Variants in LOXHD1 observed in about 807,000 individuals in gnomAD.
LOXHD1 encodes lipoxygenase homology PLAT domains 1.
LOXHD1 carries 205 observed loss-of-function variants against 248.2 expected under a neutral mutation model. The observed-to-expected ratio is 0.83, with a 90% CI of 0.74 to 0.93. The LOEUF (loss-of-function observed/expected upper bound fraction) is 0.93. LOXHD1 is among the 40% of genes least tolerant of loss of function. The probability of loss-of-function intolerance (pLI) is 0.00; values close to 1 mark genes in which losing one functional copy is unlikely to be tolerated. For synonymous variants in LOXHD1, 1,113 were observed against 1,162.8 expected, an observed-to-expected ratio of 0.96 and a Z score of 0.87; for missense variants, 2,930 against 2,971.6, an observed-to-expected ratio of 0.99 and a Z score of 0.33.
Position 46,477,732 on chromosome 18 carries a change from G to A in LOXHD1, c.6562C>T (p.Arg2188Trp), listed in dbSNP as rs771007568. The change falls in exon 41 of 41, where the codon CGG (arginine) becomes TGG (tryptophan). Residue 2188 changes from arginine (R) to tryptophan (W), a missense_variant. By Grantham distance (101) the Arg-to-Trp change is moderately radical. Transcript: ENST00000642948. The stretch of plus-strand genomic sequence containing the variant: ...TTGCGCATTTTCTGCTTCAGCTCCC[G>A]CTTGCCTGTGTCTCCGTTGGCCCCA... ...IFGANGDTGK[R>W]ELKQKMRNLF... is the part of the protein sequence containing the mutation. 4.4e-5 allele frequency: 69 copies of A among 1,551,780 alleles called. No individual in the cohort carries two copies. In the South Asian group the frequency reaches 5.4e-4, roughly 12 times the overall value.
At chr18:46,579,420 C>T (rs2037919595) in intron 13 of LOXHD1, among the ~76,000 whole-genome samples, 1 of 152,182 alleles carries the variant, frequency 6.6e-6, no homozygotes, top group Non-Finnish European at 1.5e-5. Flanking sequence ...GCCAGATACT[C>T]AGGAACCAAA....
At position 46,533,163 on chromosome 18, in the gene LOXHD1, G is replaced by A. The variant is rs1489860584; in HGVS notation, c.4374C>T (p.Asp1458=). 1.9e-6 allele frequency: 3 copies of A among 1,551,634 alleles called. No homozygotes were observed. Among genetic ancestry groups the A allele is most frequent in the Non-Finnish European group, 2.6e-6 (3 of 1,146,974 alleles). Residue 1458 remains aspartate, a splice_region_variant and synonymous_variant, in exon 28 of 41, where the codon GAC becomes GAT. Transcript: ENST00000642948. ...QVYKEVEEPL[D]IVLYSVQIFT... is the part of the protein sequence containing the mutation. The stretch of plus-strand genomic sequence containing the variant: ...TGAGGGTGGCCACACCACACTTACT[G>A]TCCAGAGGCTCTTCTACTTCCTTGT...
At chr18:46,643,081 T>C (rs1171326090) in intron 2 of LOXHD1, among the ~76,000 whole-genome samples, 1 of 152,216 alleles carries the variant, frequency 6.6e-6, no homozygotes, top group Non-Finnish European at 1.5e-5. Flanking sequence ...AATAGACGGC[T>C]TTTAAGGTTC....
In LOXHD1 at chr18:46,521,174, C is replaced by CAT. The variant is rs2035560873; in HGVS notation, c.5193_5194insAT (p.Ala1732MetfsTer22). 1 of 1,551,656 alleles carries CAT rather than the reference C, an allele frequency of 6.4e-7. No individual in the cohort carries two copies. Among genetic ancestry groups the CAT allele is most frequent in the African/African-American group, 1.4e-5 (1 of 73,058 alleles). ...GTGATGCCGTCGCCTCTGTCCTTGG[C>CAT]CAGCCAGCAGTTACAGTTCAACATG... On this transcript the variant is annotated frameshift_variant, in exon 33 of 41. Transcript: ENST00000642948. LOFTEE classifies it high-confidence loss of function.
In LOXHD1 at chr18:46,477,853, C is replaced by T; in HGVS notation, c.6441G>A (p.Lys2147=). The T allele has an allele frequency of 6.4e-7, 1 of 1,551,798 alleles. No homozygotes were observed. The highest frequency in any genetic ancestry group is 8.7e-7 in the Non-Finnish European group (1 of 1,147,020). The change falls in exon 41 of 41, where the codon AAG becomes AAA. Residue 2147 remains lysine, a synonymous_variant. Transcript: ENST00000642948. The part of the protein sequence containing the change: ...VTKTTESFAS[K]VQSLVPVKYE... ...ACTTGACGGGCACCAGGCTCTGGACCTTGCTGGCAAAGCTCTCTGTCGTCT... is the reference window on the plus strand; with the variant it reads ...ACTTGACGGGCACCAGGCTCTGGACTTTGCTGGCAAAGCTCTCTGTCGTCT...
chr18:46,501,535 T>C (rs71364542), intron 37 of LOXHD1, among the ~76,000 whole-genome samples: 6,278 of 152,268 alleles, frequency 0.041, 161 homozygotes, highest in South Asian at 0.059. Context: ...GCATGACTTA[T>C]AGGGCTGTTG....
chr18:46,520,015 G>A (rs975286194), intron 33 of LOXHD1, among the ~76,000 whole-genome samples: 4 of 152,288 alleles, frequency 2.6e-5, no homozygotes, highest in South Asian at 2.1e-4. Flanking sequence ...TGTGCTGGGC[G>A]GTGGCACAGA....
At chr18:46,624,687 A>G (rs1329040975) in intron 4 of LOXHD1, among the ~76,000 whole-genome samples, 2 of 152,112 alleles carry the variant, frequency 1.3e-5, no homozygotes, top group African/African-American at 4.8e-5. Flanking sequence ...ACTTTGTACC[A>G]GCTCTTCCAT....
At chr18:46,483,084 G>T (rs529829593) in intron 40 of LOXHD1, among the ~76,000 whole-genome samples, 1 of 152,326 alleles carries the variant, frequency 6.6e-6, no homozygotes, top group East Asian at 1.9e-4. Context: ...TCTCCAGAAG[G>T]CTCTGATGAG....
At chr18:46,562,186 C>T (rs1308320628) in intron 18 of LOXHD1, among the ~76,000 whole-genome samples, 1 of 152,204 alleles carries the variant, frequency 6.6e-6, no homozygotes, top group Non-Finnish European at 1.5e-5. Context: ...GGGTGTCTGG[C>T]TCAATGAGGC....
chr18:46,507,048 G>A lies in LOXHD1; in HGVS notation c.5692+490C>T, dbSNP rs566874512. On this transcript the variant is annotated intron_variant, in intron 36 of 40. Transcript: ENST00000642948. Reference sequence around the variant, plus strand: ...GATTTGTCTTTCTGGACTTGACTTTGGCATTGCATCCATCGGAGCGTCACC... The same window carrying A: ...GATTTGTCTTTCTGGACTTGACTTTAGCATTGCATCCATCGGAGCGTCACC... Among the ~76,000 whole-genome samples, 20 of 152,288 alleles carry A rather than the reference G, an allele frequency of 1.3e-4. No individual in the cohort carries two copies. In the South Asian group the frequency reaches 4.2e-3, roughly 32 times the overall value.
chr18:46,609,342 C>T (rs1193317109), intron 6 of LOXHD1, among the ~76,000 whole-genome samples: 1 of 152,204 alleles, frequency 6.6e-6, no homozygotes, highest in Non-Finnish European at 1.5e-5. Flanking sequence ...AAAAAATAAG[C>T]TCCTAGTTGT....
At chr18:46,532,576 T>C (rs2036120012) in intron 28 of LOXHD1, among the ~76,000 whole-genome samples, 1 of 144,412 alleles carries the variant, frequency 6.9e-6, no homozygotes, top group Non-Finnish European at 1.5e-5. Context: ...GAGGAGGAAG[T>C]ACAAGGAGTG....
At chr18:46,515,576 A>G (rs554059548) in intron 34 of LOXHD1, among the ~76,000 whole-genome samples, 56 of 152,384 alleles carry the variant, frequency 3.7e-4, no homozygotes, top group South Asian at 1.0e-3. Context: ...ATACTTCCAG[A>G]AACGAGATGC....
chr18:46,645,440 T>C (rs2039017042), intron 2 of LOXHD1, among the ~76,000 whole-genome samples: 1 of 152,242 alleles, frequency 6.6e-6, no homozygotes, highest in South Asian at 2.1e-4. Context: ...AGGCATTCTC[T>C]GACACACTCA....
At chr18:46,563,463 C>T (rs1018546829) in intron 17 of LOXHD1, among the ~76,000 whole-genome samples, 1 of 152,154 alleles carries the variant, frequency 6.6e-6, no homozygotes, top group Admixed American at 6.5e-5. Context: ...CAATCAGACA[C>T]ACACCCCAGT....
At position 46,541,787 on chromosome 18, in the gene LOXHD1, A is replaced by C. The variant is rs1221932171; in HGVS notation, c.3902T>G (p.Leu1301Arg). The change falls in exon 25 of 41, where the codon CTG becomes CGG. Residue 1301 changes from leucine (L) to arginine (R), a missense_variant. By Grantham distance (102) the Leu-to-Arg change is moderately radical. Coordinates refer to ENST00000642948, the MANE Select transcript of LOXHD1 (RefSeq NM_001384474.1). ...DLFHAELQTR[L>R]YTPFVPYEIT... Reference sequence around the variant, plus strand: ...TGTGTGGTTCCTACATGGTGTGTACAGCCTCGTCTGAAGCTCTGCATGGAA... The same window carrying C: ...TGTGTGGTTCCTACATGGTGTGTACCGCCTCGTCTGAAGCTCTGCATGGAA... 3.9e-6 allele frequency: 6 copies of C among 1,551,604 alleles called. No individual in the cohort carries two copies. In the Admixed American group the frequency reaches 5.9e-5, roughly 15 times the overall value.
intron 15 of LOXHD1, 143 bp from the exon 16 acceptor site, chr18:46,569,781 C>G (rs935129896): frequency 1.5e-6 from 1 of 646,228 alleles, no homozygotes; most frequent in African/African-American, 1.8e-5. Context: ...GGCTCCTGTT[C>G]TAAGCAGCCC....
In LOXHD1 at chr18:46,547,014, T is replaced by C; in HGVS notation, c.3395A>G (p.Asp1132Gly). The change falls in exon 22 of 41, where the codon GAT becomes GGT. Residue 1132 changes from aspartate (D) to glycine (G), a missense_variant. Coordinates refer to ENST00000642948, the MANE Select transcript of LOXHD1 (RefSeq NM_001384474.1). The part of the protein sequence containing the change: ...CQRWLAVEED[D>G]GQLSRELLPV... ...CAACAGCTCCCTGGACAGCTGGCCA[T>C]CATCTTCCTCCACTGCCAGCCAACG... The C allele has an allele frequency of 6.4e-7, 1 of 1,551,778 alleles. No individual in the cohort carries two copies.
Sources: gnomAD v4.1 joint callset for allele counts (sites outside exome capture counted in the v4.1 genomes callset) on GRCh38, gnomAD v4.1.1 for gene constraint, MANE v1.5 for transcripts, NCBI Gene and HGNC (gene_info 2026-07-23, HGNC 2026-07-21) for gene names.